Variants in SPOCK3 observed in about 807,000 individuals in gnomAD.
SPOCK3 encodes the protein testican-3.
In SPOCK3, 30 loss-of-function variants were observed where a neutral mutation model predicts 56.6. That is an observed-to-expected ratio of 0.53 (90% confidence interval 0.40 to 0.72). The LOEUF is 0.72. Ranked by LOEUF, SPOCK3 falls within the 30% of genes least tolerant of loss-of-function variation. The pLI, the probability that SPOCK3 is intolerant of heterozygous loss-of-function variation, is 0.00. For synonymous variants in SPOCK3, 196 were observed against 183.3 expected (o/e 1.07, Z -0.56); for missense variants, 527 against 530.0 (o/e 0.99, Z 0.06).
At chr4:167,080,879 T>A (rs1757641467) in intron 2 of SPOCK3, among the ~76,000 whole-genome samples, 1 of 118,626 alleles carries the variant, frequency 8.4e-6, no homozygotes, top group Admixed American at 7.9e-5. Context: ...TCTTTCTTTC[T>A]TTTTTTTTTT....
intron 2 of SPOCK3, among the ~76,000 whole-genome samples, chr4:167,201,569 A>C (rs2110928651): frequency 6.6e-6 from 1 of 152,168 alleles, no homozygotes; most frequent in East Asian, 1.9e-4. Context: ...CTAATTAATA[A>C]AATGCTTGTA....
At chr4:167,069,759 T>G (rs1403589377) in intron 2 of SPOCK3, among the ~76,000 whole-genome samples, 1 of 151,998 alleles carries the variant, frequency 6.6e-6, no homozygotes, top group South Asian at 2.1e-4. Flanking sequence ...ACTGAGTACC[T>G]GATGCTAAAT....
At chr4:166,961,562 A>G (rs1384136329) in intron 4 of SPOCK3, among the ~76,000 whole-genome samples, 1 of 151,996 alleles carries the variant, frequency 6.6e-6, no homozygotes, top group East Asian at 1.9e-4. Context: ...TGAAAAAAAA[A>G]AAGCTTATCA....
chr4:166,847,647 T>TTTTATATATATA (rs369353581), intron 6 of SPOCK3, among the ~76,000 whole-genome samples: 1 of 55,366 alleles, frequency 1.8e-5, no homozygotes, highest in African/African-American at 5.1e-5. Context: ...AAATCCTAGT[T>TTTTATATATATA]TATATATATA....
intron 9 of SPOCK3, among the ~76,000 whole-genome samples, chr4:166,740,532 A>G (rs972160378): frequency 1.3e-4 from 1 of 7,884 alleles, no homozygotes; most frequent in African/African-American, 4.8e-4. Context: ...TATTATTATC[A>G]TTATTATTTC....
intron 4 of SPOCK3, among the ~76,000 whole-genome samples, chr4:166,931,301 G>A (rs1739730916): frequency 7.1e-6 from 1 of 141,092 alleles, no homozygotes; most frequent in Non-Finnish European, 1.5e-5. Context: ...TTTTCTATAT[G>A]CATACAAACA....
chr4:166,870,233 C>A (rs1261366666), intron 6 of SPOCK3, among the ~76,000 whole-genome samples: 2 of 152,120 alleles, frequency 1.3e-5, no homozygotes, highest in South Asian at 2.1e-4. Context: ...TTAGTTGGAA[C>A]CAAAGCTATC....
At chr4:167,205,571 A>G (rs1166582099) in intron 2 of SPOCK3, among the ~76,000 whole-genome samples, 3 of 87,974 alleles carry the variant, frequency 3.4e-5, no homozygotes, top group East Asian at 5.9e-4. Context: ...TATATTATAT[A>G]TATAATATAA....
At chr4:166,973,410 TC>T (rs1745600866) in intron 4 of SPOCK3, among the ~76,000 whole-genome samples, 1 of 152,152 alleles carries the variant, frequency 6.6e-6, no homozygotes, top group South Asian at 2.1e-4. Context: ...AAGAAGTGTC[TC>T]CAAAATATAC....
At chr4:166,747,684 GA>G (rs1035827638) in intron 8 of SPOCK3, among the ~76,000 whole-genome samples, 10 of 152,108 alleles carry the variant, frequency 6.6e-5, no homozygotes, top group Admixed American at 5.2e-4. Context: ...AGGAAAAGAG[GA>G]AGTCAAATTG....
intron 2 of SPOCK3, among the ~76,000 whole-genome samples, chr4:167,065,055 A>AAAAAAAAAAAAAAAAAAAAAAAAAT (rs1278805618): frequency 6.7e-6 from 1 of 150,220 alleles, no homozygotes; most frequent in Non-Finnish European, 1.5e-5. Context: ...AAAAAAAAAA[A>AAAAAAAAAAAAAAAAAAAAAAAAAT]AAAAAGTCAA....
At chr4:166,931,805 G>A (rs2149998270) in intron 4 of SPOCK3, among the ~76,000 whole-genome samples, 1 of 152,292 alleles carries the variant, frequency 6.6e-6, no homozygotes, top group South Asian at 2.1e-4. Context: ...TCTTTAGAGA[G>A]AAGGAGCGGC....
intron 6 of SPOCK3, among the ~76,000 whole-genome samples, chr4:166,806,558 A>G (rs1743185762): frequency 6.6e-6 from 1 of 151,952 alleles, no homozygotes; most frequent in Non-Finnish European, 1.5e-5. Context: ...ATTATTTTTT[A>G]TAAAATGAAA....
At chr4:166,794,933 G>A (rs911811270) in intron 6 of SPOCK3, among the ~76,000 whole-genome samples, 1 of 152,096 alleles carries the variant, frequency 6.6e-6, no homozygotes, top group Non-Finnish European at 1.5e-5. Context: ...GTGAGTCACC[G>A]CGCCGGCCCG....
chr4:167,128,233 C>A (rs1762442531), intron 2 of SPOCK3, among the ~76,000 whole-genome samples: 1 of 152,152 alleles, frequency 6.6e-6, no homozygotes, highest in Admixed American at 6.5e-5. Flanking sequence ...TCATTCATTC[C>A]TAAGCCCAAA....
chr4:167,192,120 A>G lies in SPOCK3; in HGVS notation c.189+41865T>C, dbSNP rs1732518780. ...TATGTTGAACAATTTTTGCATTCCA[A>G]AGATAAATCTTATTTGTTCATAGTA... On this transcript the variant is annotated intron_variant, in intron 2 of 10. Transcript: ENST00000357545. Among the ~76,000 whole-genome samples, 4 of 146,022 alleles carry G rather than the reference A, an allele frequency of 2.7e-5. No individual in the cohort carries two copies. In the Admixed American group the frequency reaches 2.8e-4, roughly 10 times the overall value.
chr4:167,221,983 A>C (rs1436072481), intron 2 of SPOCK3, among the ~76,000 whole-genome samples: 2 of 152,198 alleles, frequency 1.3e-5, no homozygotes, highest in Non-Finnish European at 2.9e-5. Flanking sequence ...TGAAAGCAGG[A>C]TCTTGAAGAA....
chr4:166,748,130 A>C (rs1000424476), intron 8 of SPOCK3, among the ~76,000 whole-genome samples: 9 of 147,820 alleles, frequency 6.1e-5, no homozygotes, highest in African/African-American at 2.1e-4. Flanking sequence ...AATTGGAAAA[A>C]ACTACTTTAA....
chr4:166,862,686 T>C lies in SPOCK3; in HGVS notation c.589+26444A>G, dbSNP rs578071530. 2.6e-5 allele frequency among the ~76,000 whole-genome samples: 4 copies of C among 152,156 alleles called. No individual in the cohort carries two copies. The East Asian group carries it at 5.8e-4, about 22-fold the overall frequency. ...AAATCATTTTATTTGATGATGCTGATTTTTCCCCTTTTCTAGCAGATAAGT... is the reference window on the plus strand; with the variant it reads ...AAATCATTTTATTTGATGATGCTGACTTTTCCCCTTTTCTAGCAGATAAGT... On this transcript the variant is annotated intron_variant, in intron 6 of 10. Transcript: ENST00000357545.
Sources: allele counts gnomAD v4.1 joint callset (sites outside exome capture counted in the v4.1 genomes callset), GRCh38; gene constraint gnomAD v4.1.1; transcripts MANE v1.5; gene names NCBI Gene and HGNC (gene_info 2026-07-23, HGNC 2026-07-21).